Variants in KCNIP4 observed in about 807,000 individuals in gnomAD.
KCNIP4 encodes Kv channel-interacting protein 4.
Under a neutral mutation model 34.0 loss-of-function variants are expected in KCNIP4, and 12 were observed. The ratio of observed to expected loss-of-function variants is 0.35; its 90% confidence interval spans 0.23 to 0.57. KCNIP4 has a LOEUF of 0.57. KCNIP4 is among the 20% of genes least tolerant of loss of function. The probability of loss-of-function intolerance (pLI) is 0.83; values close to 1 mark genes in which losing one functional copy is unlikely to be tolerated. For missense variants in KCNIP4, 238 were observed against 311.7 expected, an observed-to-expected ratio of 0.76 and a Z score of 1.78; for synonymous variants, 124 against 102.2, an observed-to-expected ratio of 1.21 and a Z score of -1.29.
chr4:21,364,368 T>G (rs1402873538), intron 1 of KCNIP4, among the ~76,000 whole-genome samples: 2 of 152,084 alleles, frequency 1.3e-5, no homozygotes, highest in Non-Finnish European at 2.9e-5. Flanking sequence ...AGGAATATAT[T>G]AGAAATTTAT....
intron 1 of KCNIP4, among the ~76,000 whole-genome samples, chr4:21,549,012 T>C (rs1398400238): frequency 6.6e-6 from 1 of 151,872 alleles, no homozygotes; most frequent in African/African-American, 2.4e-5. Flanking sequence ...TACTAGATGC[T>C]AGAAGCAGTC....
intron 1 of KCNIP4, among the ~76,000 whole-genome samples, chr4:21,222,032 C>T (rs1758016055): frequency 6.6e-6 from 1 of 152,160 alleles, no homozygotes; most frequent in Non-Finnish European, 1.5e-5. Flanking sequence ...AGCCCTGTAT[C>T]TTTCTTTTTT....
At chr4:20,984,149 T>A (rs945583213) in intron 1 of KCNIP4, 1 of 594,798 alleles carries the variant, frequency 1.7e-6, no homozygotes, top group East Asian at 3.2e-5. Context: ...CTGGCGGGGC[T>A]TCCCCCCTGC....
At chr4:21,596,755 T>C (rs1742678405) in intron 1 of KCNIP4, among the ~76,000 whole-genome samples, 1 of 152,082 alleles carries the variant, frequency 6.6e-6, no homozygotes, top group African/African-American at 2.4e-5. Context: ...CAAATGCGTC[T>C]TCCCCCTCAG....
chr4:20,833,637 A>G (rs556564242), intron 3 of KCNIP4, among the ~76,000 whole-genome samples: 2 of 152,236 alleles, frequency 1.3e-5, no homozygotes, highest in South Asian at 4.2e-4. Flanking sequence ...TACCATACAA[A>G]TTGGTCCTTT....
chr4:21,389,021 G>A, intron 1 of KCNIP4, among the ~76,000 whole-genome samples: 1 of 149,180 alleles, frequency 6.7e-6, no homozygotes, highest in East Asian at 2.0e-4. Flanking sequence ...ATCTCACTCT[G>A]TTACACCAGC....
chr4:21,724,479 A>G (rs1715048544), intron 1 of KCNIP4, among the ~76,000 whole-genome samples: 1 of 152,108 alleles, frequency 6.6e-6, no homozygotes, highest in South Asian at 2.1e-4. Context: ...GTGAGTTACA[A>G]CACTAAAGTG....
intron 1 of KCNIP4, among the ~76,000 whole-genome samples, chr4:21,037,251 A>T (rs114391893): frequency 6.6e-6 from 1 of 152,216 alleles, no homozygotes; most frequent in African/African-American, 2.4e-5. Context: ...CAGTGTGTAT[A>T]AAGTCTACAG....
At chr4:20,987,210 T>G (rs746629206) in intron 1 of KCNIP4, among the ~76,000 whole-genome samples, 1 of 152,186 alleles carries the variant, frequency 6.6e-6, no homozygotes, top group Non-Finnish European at 1.5e-5. Context: ...GGGAACATAG[T>G]GAGACTCTAC....
intron 3 of KCNIP4, among the ~76,000 whole-genome samples, chr4:20,786,828 G>T (rs1712060970): frequency 8.3e-6 from 1 of 121,056 alleles, no homozygotes; most frequent in African/African-American, 3.3e-5. Context: ...AGAAATTGGG[G>T]TAGGATACAG....
chr4:21,714,040 GT>G (rs1165568232), intron 1 of KCNIP4, among the ~76,000 whole-genome samples: 1 of 152,146 alleles, frequency 6.6e-6, no homozygotes. Flanking sequence ...GATATATTGT[GT>G]GTAAATACAT....
intron 1 of KCNIP4, among the ~76,000 whole-genome samples, chr4:21,507,244 C>T (rs1733921358): frequency 6.6e-6 from 1 of 151,544 alleles, no homozygotes; most frequent in Admixed American, 6.6e-5. Flanking sequence ...GGTCTGGGCA[C>T]TGGCAATGGC....
chr4:21,654,781 G>A (rs1014770618), intron 1 of KCNIP4, among the ~76,000 whole-genome samples: 42 of 152,088 alleles, frequency 2.8e-4, no homozygotes, highest in African/African-American at 7.0e-4. Flanking sequence ...AAAATTAGTC[G>A]GGTGTGGTGG....
chr4:21,614,627 A>T (rs1189530620), intron 1 of KCNIP4, among the ~76,000 whole-genome samples: 1 of 149,254 alleles, frequency 6.7e-6, no homozygotes, highest in Non-Finnish European at 1.5e-5. Context: ...TTAAATATAC[A>T]TTATAGCTTA....
chr4:21,942,849 C>T (rs535233050), intron 1 of KCNIP4, among the ~76,000 whole-genome samples: 64 of 152,280 alleles, frequency 4.2e-4, no homozygotes, highest in South Asian at 1.2e-3. Context: ...CCTCTGCCTC[C>T]TGGGTTCAAG....
rs184677295 is a variant in KCNIP4, at chr4:20,859,185, T to A, written c.164-8518A>T. 4.2e-3 allele frequency among the ~76,000 whole-genome samples: 638 copies of A among 151,942 alleles called. 4 individuals are homozygous for A. The highest frequency in any genetic ancestry group is 5.1e-3 in the Non-Finnish European group (346 of 67,976). ...ACACATGGTAGAATAAGGTACGAAG[T>A]GATGGGATCTCAGAGCTGGAAGGAA... On this transcript the variant is annotated intron_variant, in intron 2 of 8. Transcript: ENST00000382152.
chr4:20,734,738 G>T lies in KCNIP4; in HGVS notation c.430-3C>A. ...ATGGAAAGACCTTTGATGAAATCCT[G>T]AAAAGAAATAAAAATTCAATTTTAT... On this transcript the variant is annotated splice_polypyrimidine_tract_variant and splice_region_variant and intron_variant, in intron 5 of 8. Transcript: ENST00000382152. 1 of 1,514,648 alleles carries T rather than the reference G, an allele frequency of 6.6e-7. No homozygotes were observed. Among genetic ancestry groups the T allele is most frequent in the Non-Finnish European group, 8.9e-7 (1 of 1,119,452 alleles). The allele number at this position is 1,514,648 out of a possible 1,614,324, so 93.8% of individuals were successfully genotyped here.
chr4:21,220,782 T>C (rs1480854889), intron 1 of KCNIP4, among the ~76,000 whole-genome samples: 1 of 152,134 alleles, frequency 6.6e-6, no homozygotes, highest in East Asian at 1.9e-4. Flanking sequence ...TTTTAGTTTC[T>C]AAAAGTTTAG....
chr4:21,107,116 G>A (rs1220714107), intron 1 of KCNIP4, among the ~76,000 whole-genome samples: 16 of 146,394 alleles, frequency 1.1e-4, no homozygotes, highest in Middle Eastern at 3.2e-3. Context: ...TATTAGGTCC[G>A]CTTGGTGCAG....
Sources: gnomAD v4.1 joint callset for allele counts (sites outside exome capture counted in the v4.1 genomes callset) on GRCh38, gnomAD v4.1.1 for gene constraint, MANE v1.5 for transcripts, NCBI Gene and HGNC (gene_info 2026-07-23, HGNC 2026-07-21) for gene names.